The following GDPD2 variants were observed in gnomAD, a reference collection of about 807,000 sequenced individuals.
GDPD2 encodes the protein glycerophosphodiester phosphodiesterase domain containing 2, also known as glycerophosphodiester phosphodiesterase 3.
GDPD2 carries 23 observed loss-of-function variants against 49.2 expected under a neutral mutation model. That is an observed-to-expected ratio of 0.47 (90% CI 0.34 to 0.66). The LOEUF is 0.66. GDPD2 is among the 30% of genes least tolerant of loss of function. The pLI is 0.01. For synonymous variants in GDPD2, 167 were observed against 171.4 expected, an observed-to-expected ratio of 0.97 and a Z score of 0.20; for missense variants, 338 against 424.7, an observed-to-expected ratio of 0.80 and a Z score of 1.79.
intron 12 of GDPD2, 72 bp from the exon 13 acceptor site, chrX:70,432,235 G>A (rs1602843720): frequency 2.1e-6 from 2 of 955,918 alleles, no homozygotes; most frequent in East Asian, 3.1e-5. Flanking sequence ...TCAAGCACAG[G>A]CAGGGGGCTG....
chrX:70,427,559 A>G, intron 10 of GDPD2, 96 bp downstream of exon 10: 2 of 717,014 alleles, frequency 2.8e-6, no homozygotes, highest in Middle Eastern at 3.1e-4. Flanking sequence ...GCCCTGTGCT[A>G]GGCAATAAGA....
rs1397157638 is a variant in GDPD2 at position 70,427,273 on chromosome X, G to A, written c.786-40G>A. On this transcript the variant is annotated intron_variant, in intron 9 of 15. Transcript: ENST00000374382. Reference sequence around the variant, plus strand: ...GGGGGGCTGAAGGACATGATGACCAGCCCCAGAGCTTGGCCCTCTGACACC... The same window carrying A: ...GGGGGGCTGAAGGACATGATGACCAACCCCAGAGCTTGGCCCTCTGACACC... The A allele has an allele frequency of 1.1e-5, 13 of 1,207,562 alleles. No individual in the cohort carries two copies. The East Asian group carries it at 3.3e-4, about 30-fold the overall frequency.
In GDPD2 at chrX:70,427,473, G is replaced by T. The variant is rs961998631; in HGVS notation, c.936+10G>T. On this transcript the variant is annotated intron_variant, in intron 10 of 15. Coordinates refer to ENST00000374382, the MANE Select transcript of GDPD2 (RefSeq NM_017711.4). ...ATCCTGGTTCCTAGAGGTGAGGACA[G>T]CCTCTGCAAAGAGGCAGCCATCTGC... 1 of 1,195,504 alleles carries T rather than the reference G, an allele frequency of 8.4e-7. No individual in the cohort carries two copies. Among genetic ancestry groups the T allele is most frequent in the African/African-American group, 1.8e-5 (1 of 56,961 alleles).
chrX:70,425,801 C>A lies in GDPD2; in HGVS notation c.248C>A (p.Ser83Tyr). The A allele has an allele frequency of 8.4e-7, 1 of 1,197,513 alleles. No homozygotes were observed. The highest frequency in any genetic ancestry group is 1.7e-5 in the African/African-American group (1 of 57,417). The change falls in exon 4 of 16, where the codon TCC (serine) becomes TAC (tyrosine). Residue 83 changes from serine (S) to tyrosine (Y), a missense_variant. Ser to Tyr is a moderately radical substitution (Grantham distance 144). Around this residue, in one of 3 missense-constraint regions of GDPD2, gnomAD observed 75 missense variants for 67.6 expected, o/e 1.11. Coordinates refer to ENST00000374382, the MANE Select transcript of GDPD2 (RefSeq NM_017711.4). ...CGCTGGGGACACTGGATGGACTGGT[C>A]CCTGGCATTCCTGCTGGTCATCTCT... is the stretch of plus-strand genomic sequence containing the variant. ...FRRWGHWMDW[S>Y]LAFLLVISLL...
At chrX:70,424,673 G>C (rs1302242099) in intron 1 of GDPD2, among the ~76,000 whole-genome samples, 5 of 112,614 alleles carry the variant, frequency 4.4e-5, no homozygotes, top group Non-Finnish European at 7.5e-5. Flanking sequence ...ATGGGGAGGA[G>C]CTGGAGAGAG....
chrX:70,424,954 G>A, intron 1 of GDPD2, 22 bp from the exon 2 acceptor site: 1 of 1,027,437 alleles, frequency 9.7e-7, no homozygotes, highest in Non-Finnish European at 1.3e-6. Context: ...GGTCCCTGAT[G>A]GTCGAGTGTC....
intron 14 of GDPD2, 90 bp downstream of exon 14, chrX:70,432,751 G>A: frequency 2.6e-6 from 2 of 756,137 alleles, no homozygotes; most frequent in Admixed American, 2.3e-5. Flanking sequence ...TGCTGCCCAA[G>A]GCTTGGGGTC....
chrX:70,426,725 C>T lies in GDPD2; in HGVS notation c.540C>T (p.Tyr180=). 8.3e-7 allele frequency: 1 copy of T among 1,203,708 alleles called. No homozygotes were observed. Among genetic ancestry groups the T allele is most frequent in the Non-Finnish European group, 1.1e-6 (1 of 888,406 alleles). Residue 180 remains tyrosine (Y), a synonymous_variant, in exon 7 of 16, where the codon TAC becomes TAT. Transcript: ENST00000374382. ...CCTGGCCTGTGGCTGATACCTTCTACCGTATCCACCGAAGAGGTGCCAACG... is the reference window on the plus strand; with the variant it reads ...CCTGGCCTGTGGCTGATACCTTCTATCGTATCCACCGAAGAGGTGCCAACG... ...LLAWPVADTF[Y]RIHRRGPKIL...
chrX:70,426,826 C>G, intron 7 of GDPD2, 40 bp from the exon 8 acceptor site: 1 of 1,201,935 alleles, frequency 8.3e-7, no homozygotes, highest in Non-Finnish European at 1.1e-6. Flanking sequence ...AGAGCTCTCC[C>G]CTTGCCCATT....
chrX:70,425,599 A>G (rs2086414016), intron 3 of GDPD2, 142 bp downstream of exon 3: 3 of 551,387 alleles, frequency 5.4e-6, no homozygotes, highest in South Asian at 2.5e-5. Context: ...CAATCTCCTT[A>G]GAAAATCCCT....
rs1194963998 is a variant in GDPD2 at position 70,426,679 on chromosome X, C to A, written c.494C>A (p.Ala165Asp). 1 of 1,209,151 alleles carries A rather than the reference C, an allele frequency of 8.3e-7. No individual in the cohort carries two copies. The highest frequency in any genetic ancestry group is 1.1e-6 in the Non-Finnish European group (1 of 893,406). ...ATAPFLHIGA[A>D]AGIALLAWPV... ...GCCCCATTCCTTCATATTGGAGCAGCCGCTGGAATTGCCCTCCTGGCCTGG... is the reference window on the plus strand; with the variant it reads ...GCCCCATTCCTTCATATTGGAGCAGACGCTGGAATTGCCCTCCTGGCCTGG... Residue 165 changes from alanine (A) to aspartate (D), a missense_variant, in exon 7 of 16, where the codon GCC becomes GAC. By Grantham distance (126) the Ala-to-Asp change is moderately radical (BLOSUM62 -2). Transcript: ENST00000374382.
chrX:70,429,765 T>C (rs2147754886), intron 11 of GDPD2, 51 bp downstream of exon 11: 2 of 1,067,956 alleles, frequency 1.9e-6, no homozygotes, highest in East Asian at 3.1e-5. Context: ...TAGGCCATGA[T>C]GATGAGGATG....
chrX:70,430,952 ATTTTTT>A (rs557583589), intron 12 of GDPD2: 6 of 377,914 alleles, frequency 1.6e-5, no homozygotes, highest in East Asian at 4.3e-5. Flanking sequence ...ATGCAAGGCT[ATTTTTT>A]TTTTTTTTTT....
Position 70,433,080 on chromosome X carries a change from G to A in GDPD2, c.1614G>A (p.Met538Ile), listed in dbSNP as rs147539047. 728 of 1,191,393 alleles carry A rather than the reference G, an allele frequency of 6.1e-4. 1 individual carries two copies. Among genetic ancestry groups the A allele is most frequent in the South Asian group, 3.5e-3 (194 of 55,489 alleles). ...VLLTRINNFMME is the reference protein window; with the variant it reads ...VLLTRINNFMIE The stretch of plus-strand genomic sequence containing the variant: ...TGACAAGGATCAACAATTTCATGAT[G>A]GAGTGAATGCCCTGCCCTGCTTCCC... The change falls in exon 16 of 16, where the codon ATG (methionine) becomes ATA (isoleucine). Residue 538 changes from methionine (M) to isoleucine (I), a missense_variant. Around this residue, in one of 3 missense-constraint regions of GDPD2, gnomAD observed 253 missense variants for 330.4 expected, o/e 0.77. Transcript: ENST00000374382.
Position 70,427,188 on chromosome X carries a change from G to A in GDPD2, c.754G>A (p.Ala252Thr). ...MSLRKTAECG[A>T]TVFETDVMVS... ...CTTGCGGAAGACAGCTGAATGCGGAGCTACTGTGTTTGAGACTGATGTGAT... is the reference window on the plus strand; with the variant it reads ...CTTGCGGAAGACAGCTGAATGCGGAACTACTGTGTTTGAGACTGATGTGAT... The change falls in exon 9 of 16, where the codon GCT becomes ACT. Residue 252 changes from alanine (A) to threonine (T), a missense_variant. Physicochemically the swap from Ala to Thr is moderately conservative, Grantham distance 58 (BLOSUM62 0). This residue lies in a region of GDPD2 where 253 missense variants were observed against 330.4 expected (regional missense o/e 0.77). Transcript: ENST00000374382. 1 of 1,208,079 alleles carries A rather than the reference G, an allele frequency of 8.3e-7. No individual in the cohort carries two copies. The highest frequency in any genetic ancestry group is 1.1e-6 in the Non-Finnish European group (1 of 892,260).
intron 9 of GDPD2, 32 bp downstream of exon 9, chrX:70,427,251 G>A (rs373764324): frequency 3.3e-6 from 4 of 1,197,423 alleles, no homozygotes; most frequent in Non-Finnish European, 3.4e-6. Context: ...GGGATCTGGG[G>A]GGCTGAAGGA....
intron 14 of GDPD2, 83 bp from the exon 15 acceptor site, chrX:70,432,829 C>A: frequency 1.2e-6 from 1 of 820,193 alleles, no homozygotes; most frequent in Non-Finnish European, 1.8e-6. Context: ...GTAGGAAAGG[C>A]AGTTGGGGGG....
rs2086406894 is a variant in GDPD2, at chrX:70,424,973, C to G, written c.-9-3C>G. 2 of 1,150,387 alleles carry G rather than the reference C, an allele frequency of 1.7e-6. No homozygotes were observed. The highest frequency in any genetic ancestry group is 2.4e-5 in the Admixed American group (1 of 41,209). The allele number at this position is 1,150,387 out of a possible 1,213,427, so 94.8% of individuals were successfully genotyped here. On this transcript the variant is annotated splice_polypyrimidine_tract_variant and splice_region_variant and intron_variant, in intron 1 of 15. Transcript: ENST00000374382. ...CCTGATGGTCGAGTGTCCCTTCCCC[C>G]AGGCCTTCACCATGGCCGAGTCCCC...
chrX:70,430,072 T>C lies in GDPD2; in HGVS notation c.1307+9T>C, dbSNP rs1416133282. ...CCACTATTGGATATCAAGTGAGTGCTAGAGGAAAGGAACCAAGGGGATCAC... is the reference window on the plus strand; with the variant it reads ...CCACTATTGGATATCAAGTGAGTGCCAGAGGAAAGGAACCAAGGGGATCAC... On this transcript the variant is annotated intron_variant, in intron 12 of 15. Coordinates refer to ENST00000374382, the MANE Select transcript of GDPD2 (RefSeq NM_017711.4). 2 of 1,194,448 alleles carry C rather than the reference T, an allele frequency of 1.7e-6. No homozygotes were observed. The highest frequency in any genetic ancestry group is 3.7e-5 in the South Asian group (2 of 54,397).
Sources: gnomAD v4.1 joint callset for allele counts (sites outside exome capture counted in the v4.1 genomes callset) on GRCh38, gnomAD v4.1.1 for gene constraint, gnomAD v4.1.1 regional missense constraint, MANE v1.5 for transcripts, NCBI Gene and HGNC (gene_info 2026-07-23, HGNC 2026-07-21) for gene names.